Variants in MORF4L1 observed in about 807,000 individuals in gnomAD.
MORF4L1 encodes mortality factor 4 like 1.
MORF4L1 carries 4 observed loss-of-function variants against 52.9 expected under a neutral mutation model. The observed-to-expected ratio is 0.08, with a 90% confidence interval of 0.04 to 0.17. The LOEUF is 0.17. Ranked by LOEUF, MORF4L1 falls within the 10% of genes least tolerant of loss-of-function variation. MORF4L1 has a pLI of 1.00. For synonymous variants in MORF4L1, 123 were observed against 134.8 expected, an observed-to-expected ratio of 0.91 and a Z score of 0.61; for missense variants, 214 against 390.4, an observed-to-expected ratio of 0.55 and a Z score of 3.81.
At chr15:78,889,865 C>T (rs774743486) in intron 5 of MORF4L1, among the ~76,000 whole-genome samples, 23 of 152,068 alleles carry the variant, frequency 1.5e-4, no homozygotes, top group African/African-American at 4.8e-4. Context: ...ATCTTTCCAT[C>T]GAAAGTAATC....
At chr15:78,888,482 G>T (rs538516747) in intron 5 of MORF4L1, among the ~76,000 whole-genome samples, 4 of 152,042 alleles carry the variant, frequency 2.6e-5, no homozygotes, top group African/African-American at 4.8e-5. Context: ...CCTGAAAGTG[G>T]ATGACAAGAG....
intron 2 of MORF4L1, among the ~76,000 whole-genome samples, chr15:78,879,610 C>T (rs757460120): frequency 8.5e-5 from 13 of 152,094 alleles, no homozygotes; most frequent in Non-Finnish European, 1.5e-4. Flanking sequence ...TACGTACATA[C>T]ATCTTAATGA....
intron 3 of MORF4L1, among the ~76,000 whole-genome samples, chr15:78,885,585 T>C (rs2056687881): frequency 6.6e-6 from 1 of 152,246 alleles, no homozygotes; most frequent in African/African-American, 2.4e-5. Context: ...TTGAGTATTG[T>C]AGACTTCCTA....
rs1000105446 is a variant in MORF4L1 at position 78,873,188 on chromosome 15, C to T, written c.40+131C>T. On this transcript the variant is annotated intron_variant, in intron 1 of 11. Transcript: ENST00000426013. ...AGAAGGCGGCGGTCAGTGCTTTGTG[C>T]GGGGAAAGCGCATTGCGGATGGCAA... The T allele has an allele frequency of 5.9e-6, 9 of 1,518,962 alleles. No individual in the cohort carries two copies. In the African/African-American group the frequency reaches 7.1e-5, roughly 12 times the overall value. 94.1% of individuals were successfully genotyped at this position (1,518,962 alleles called of 1,614,324 possible).
At chr15:78,889,287 T>C (rs772131313) in intron 5 of MORF4L1, among the ~76,000 whole-genome samples, 7 of 152,238 alleles carry the variant, frequency 4.6e-5, no homozygotes, top group Non-Finnish European at 8.8e-5. Flanking sequence ...TTGAAGTGTA[T>C]GGGTTGAATA....
intron 3 of MORF4L1, among the ~76,000 whole-genome samples, chr15:78,881,189 C>CT (rs570514618): frequency 1.6e-4 from 11 of 67,182 alleles, no homozygotes; most frequent in East Asian, 5.8e-4. Flanking sequence ...AGAGTTAAGC[C>CT]TTTTTTTTTT....
Position 78,897,088 on chromosome 15 carries a change from T to G in MORF4L1, c.*21T>G, listed in dbSNP as rs372117386. ...TGTGAGAGGCACTCTCACTCACTTA[T>G]GTTTGGATCTCCGTAAACACATTTT... is the stretch of plus-strand genomic sequence containing the variant. On this transcript the variant is annotated 3_prime_UTR_variant, in exon 12 of 12. Transcript: ENST00000426013. 6.3e-7 allele frequency: 1 copy of G among 1,580,970 alleles called. No individual in the cohort carries two copies. Among genetic ancestry groups the G allele is most frequent in the Non-Finnish European group, 8.7e-7 (1 of 1,151,882 alleles).
intron 1 of MORF4L1, among the ~76,000 whole-genome samples, chr15:78,876,946 T>A (rs143789094): frequency 6.6e-6 from 1 of 151,930 alleles, no homozygotes; most frequent in Admixed American, 6.6e-5. Context: ...TAAATTTTAG[T>A]GGTTTTTTTT....
chr15:78,880,221 T>G (rs538895530), intron 2 of MORF4L1, among the ~76,000 whole-genome samples: 21 of 152,384 alleles, frequency 1.4e-4, no homozygotes, highest in African/African-American at 4.8e-4. Context: ...TCCTGGCTGA[T>G]TAGACTGAGA....
At chr15:78,893,690 A>T (rs918103008) in intron 9 of MORF4L1, 63 bp downstream of exon 9, 56 of 1,116,588 alleles carry the variant, frequency 5.0e-5, no homozygotes, top group Admixed American at 1.1e-4. Flanking sequence ...TAAATAAGTC[A>T]TCTGAAACTT....
rs112104744 is a variant in MORF4L1 at position 78,892,202 on chromosome 15, T to A, written c.439-10T>A. ...GTTAGGTTTTTAATACTCCTCCTGT[T>A]TCTGTTTAGGAGGAAACATTCATGA... On this transcript the variant is annotated splice_polypyrimidine_tract_variant and intron_variant, in intron 7 of 11. Transcript: ENST00000426013. 17 of 1,587,308 alleles carry A rather than the reference T, an allele frequency of 1.1e-5. No individual in the cohort carries two copies. The African/African-American group carries it at 1.5e-4, about 14-fold the overall frequency.
intron 5 of MORF4L1, among the ~76,000 whole-genome samples, chr15:78,888,368 G>A (rs923107530): frequency 2.0e-5 from 3 of 151,956 alleles, no homozygotes; most frequent in East Asian, 1.9e-4. Context: ...TCAGGAGGCC[G>A]ATGTGGGAGG....
chr15:78,886,456 C>T, intron 4 of MORF4L1: 1 of 516,422 alleles, frequency 1.9e-6, no homozygotes, highest in East Asian at 3.1e-5. Flanking sequence ...TAGAAAACAG[C>T]AGAATGTTGT....
intron 3 of MORF4L1, among the ~76,000 whole-genome samples, chr15:78,884,241 C>T (rs2056655009): frequency 6.6e-6 from 1 of 150,786 alleles, no homozygotes; most frequent in South Asian, 2.1e-4. Context: ...TTGCCAGGCG[C>T]GATGGCTCAT....
chr15:78,879,191 C>G (rs530386153), intron 2 of MORF4L1, among the ~76,000 whole-genome samples: 1 of 152,112 alleles, frequency 6.6e-6, no homozygotes, highest in African/African-American at 2.4e-5. Flanking sequence ...GGCAACCAAG[C>G]GAGACTCTCT....
intron 3 of MORF4L1, among the ~76,000 whole-genome samples, chr15:78,882,519 T>G (rs2056621058): frequency 6.6e-6 from 1 of 152,222 alleles, no homozygotes; most frequent in Non-Finnish European, 1.5e-5. Context: ...TGACTCCTAG[T>G]GTATCTCATA....
chr15:78,888,689 CTG>C (rs2056748387), intron 5 of MORF4L1, among the ~76,000 whole-genome samples: 2 of 152,116 alleles, frequency 1.3e-5, no homozygotes, highest in African/African-American at 4.8e-5. Flanking sequence ...CTGCAGTGAT[CTG>C]TGATTGCACC....
intron 8 of MORF4L1, among the ~76,000 whole-genome samples, 185 bp from the exon 9 acceptor site, chr15:78,893,354 C>T (rs765469268): frequency 2.0e-5 from 3 of 152,284 alleles, no homozygotes; most frequent in Middle Eastern, 6.8e-3. Flanking sequence ...TAAGTCCAAA[C>T]CATTGTAAGT....
At position 78,897,392 on chromosome 15, in the gene MORF4L1, T is replaced by C. The variant is rs576742536; in HGVS notation, c.*325T>C. 5.4e-4 allele frequency: 125 copies of C among 230,296 alleles called. No individual in the cohort carries two copies. The highest frequency in any genetic ancestry group is 9.8e-4 in the Non-Finnish European group (110 of 112,216). 14.3% of individuals were successfully genotyped at this position (230,296 alleles called of 1,614,324 possible). On this transcript the variant is annotated 3_prime_UTR_variant, in exon 12 of 12. Coordinates refer to ENST00000426013, the MANE Select transcript of MORF4L1 (RefSeq NM_006791.4). The stretch of plus-strand genomic sequence containing the variant: ...CCTTTGACACTACGCACTTTTATAA[T>C]ACATGTTAATGCTATATGACAAAAT...
Sources: allele counts gnomAD v4.1 joint callset (sites outside exome capture counted in the v4.1 genomes callset), GRCh38; gene constraint gnomAD v4.1.1; transcripts MANE v1.5; gene names NCBI Gene and HGNC (gene_info 2026-07-23, HGNC 2026-07-21).